PACRG: variants seen among roughly 807,000 people sequenced by gnomAD.
The protein encoded by PACRG is parkin coregulated, also known as parkin coregulated gene protein.
PACRG carries 29 observed loss-of-function variants against 29.7 expected under a neutral mutation model. That is an observed-to-expected ratio of 0.98 (90% CI 0.73 to 1.33). PACRG has a LOEUF of 1.33. Ranked by LOEUF, PACRG falls within the 40% of genes most tolerant of loss-of-function variation. The probability of loss-of-function intolerance (pLI) is 0.00; values close to 1 mark genes in which losing one functional copy is unlikely to be tolerated. For missense variants in PACRG, 279 were observed against 316.2 expected, an observed-to-expected ratio of 0.88 and a Z score of 0.89; for synonymous variants, 116 against 118.7, an observed-to-expected ratio of 0.98 and a Z score of 0.15.
rs1810438693 is a variant in PACRG, at chr6:163,055,088, G to A, written c.292-7062G>A. 6.6e-6 allele frequency among the ~76,000 whole-genome samples: 1 copy of A among 152,166 alleles called. No individual in the cohort carries two copies. The highest frequency in any genetic ancestry group is 2.1e-4 in the South Asian group (1 of 4,832). On this transcript the variant is annotated intron_variant, in intron 2 of 4. Coordinates refer to ENST00000366888, the MANE Select transcript of PACRG (RefSeq NM_001080379.2). This position sits in a 1 kb window ranked among gnomAD's most constrained non-coding sequence, Gnocchi z 4.0. ...TGATAAAAGCAACTTCAGTGAAATGGTGAGGGAGTGGGTTAAAGAGGGAAC... is the reference window on the plus strand; with the variant it reads ...TGATAAAAGCAACTTCAGTGAAATGATGAGGGAGTGGGTTAAAGAGGGAAC...
intron 4 of PACRG, among the ~76,000 whole-genome samples, chr6:163,108,776 T>C (rs1815545290): frequency 6.6e-6 from 1 of 152,234 alleles, no homozygotes; most frequent in Admixed American, 6.5e-5. Context: ...GAGAACAGAC[T>C]AATAACACTG....
At chr6:162,994,351 C>G (rs1296679430) in intron 2 of PACRG, among the ~76,000 whole-genome samples, 3 of 150,360 alleles carry the variant, frequency 2.0e-5, no homozygotes, top group Non-Finnish European at 2.9e-5. Context: ...CAACTTGGTT[C>G]CATTCTCCGC....
intron 1 of PACRG, among the ~76,000 whole-genome samples, chr6:162,789,564 G>T (rs939313523): frequency 1.3e-5 from 2 of 152,060 alleles, no homozygotes; most frequent in Non-Finnish European, 2.9e-5. Flanking sequence ...GAGATGAAAA[G>T]GAGTGCTTAC....
At chr6:163,271,173 C>G (rs1783812526) in intron 4 of PACRG, among the ~76,000 whole-genome samples, 1 of 152,058 alleles carries the variant, frequency 6.6e-6, no homozygotes, top group Non-Finnish European at 1.5e-5. Context: ...AGATGAAGGC[C>G]AGAAGACTCA....
intron 4 of PACRG, among the ~76,000 whole-genome samples, chr6:163,263,395 T>A (rs6913469): frequency 6.6e-6 from 1 of 151,964 alleles, no homozygotes; most frequent in Non-Finnish European, 1.5e-5. Context: ...CCGCAGCCTC[T>A]GTGTTTCTGT....
At chr6:163,189,818 C>T (rs1405712110) in intron 4 of PACRG, 8 of 152,204 alleles carry the variant, frequency 5.3e-5, no homozygotes, top group East Asian at 1.9e-4. Flanking sequence ...GACAAGGGCC[C>T]GCATTCACTG....
chr6:163,185,181 G>C (rs571841915), intron 4 of PACRG, among the ~76,000 whole-genome samples: 1 of 152,284 alleles, frequency 6.6e-6, no homozygotes, highest in South Asian at 2.1e-4. Flanking sequence ...GCACCACAGA[G>C]AGAAAGATGG....
At chr6:162,947,298 A>ATG (rs72352404) in intron 2 of PACRG, among the ~76,000 whole-genome samples, 1 of 618 alleles carries the variant, frequency 1.6e-3, no homozygotes, top group South Asian at 0.083. Flanking sequence ...ACATATAATC[A>ATG]TATAATATAT....
intron 4 of PACRG, among the ~76,000 whole-genome samples, chr6:163,136,255 T>C (rs1816933266): frequency 6.6e-6 from 1 of 152,236 alleles, no homozygotes; most frequent in Admixed American, 6.5e-5. Flanking sequence ...CTCTCTGATG[T>C]GAAGTTTCCC....
chr6:163,097,613 T>C (rs1376050788), intron 4 of PACRG, among the ~76,000 whole-genome samples: 2 of 152,192 alleles, frequency 1.3e-5, no homozygotes, highest in Non-Finnish European at 2.9e-5. Context: ...TAGGGAGACA[T>C]AAGACATCAA....
At chr6:162,727,815 A>AG, upstream of PACRG, 1 of 812,974 alleles carries the variant, frequency 1.2e-6, no homozygotes, top group Non-Finnish European at 1.9e-6. Flanking sequence ...GCACGCGCGG[A>AG]GGGCGCGGCC....
chr6:163,196,254 G>A (rs930183175), intron 4 of PACRG, among the ~76,000 whole-genome samples: 2 of 152,198 alleles, frequency 1.3e-5, no homozygotes, highest in East Asian at 1.9e-4. Flanking sequence ...TGCTGCTCAC[G>A]GACAGCGCCC....
intron 1 of PACRG, among the ~76,000 whole-genome samples, chr6:162,779,510 G>A (rs1221474920): frequency 6.6e-6 from 1 of 152,062 alleles, no homozygotes; most frequent in African/African-American, 2.4e-5. Flanking sequence ...ACTTTTATTT[G>A]AACTGCTCTT....
At chr6:163,145,976 G>A (rs749464522) in intron 4 of PACRG, among the ~76,000 whole-genome samples, 4 of 152,154 alleles carry the variant, frequency 2.6e-5, no homozygotes, top group Non-Finnish European at 5.9e-5. Flanking sequence ...TAAGTCTCTG[G>A]TGGTGAAAAC....
At chr6:163,133,206 C>T (rs1329260442) in intron 4 of PACRG, among the ~76,000 whole-genome samples, 1 of 152,088 alleles carries the variant, frequency 6.6e-6, no homozygotes, top group African/African-American at 2.4e-5. Flanking sequence ...TTTTAATAGG[C>T]CAGGTCTGGA....
intron 2 of PACRG, among the ~76,000 whole-genome samples, chr6:162,979,462 T>C (rs1445228159): frequency 6.6e-6 from 1 of 152,142 alleles, no homozygotes; most frequent in African/African-American, 2.4e-5. Flanking sequence ...TTTCTCTCAT[T>C]CTGTAGGTTG....
chr6:163,260,526 C>T (rs952799747), intron 4 of PACRG, among the ~76,000 whole-genome samples: 3 of 152,178 alleles, frequency 2.0e-5, no homozygotes, highest in Non-Finnish European at 4.4e-5. Flanking sequence ...TGTAGAAAAC[C>T]GTGCCTAGCT....
chr6:162,966,431 A>G (rs1391628502), intron 2 of PACRG, among the ~76,000 whole-genome samples: 4 of 151,666 alleles, frequency 2.6e-5, no homozygotes, highest in Non-Finnish European at 4.4e-5. Flanking sequence ...CACTCCATCA[A>G]TCTACAGTGC....
intron 2 of PACRG, among the ~76,000 whole-genome samples, chr6:163,037,559 C>A (rs1456749838): frequency 6.6e-6 from 1 of 152,254 alleles, no homozygotes; most frequent in African/African-American, 2.4e-5. Flanking sequence ...ATCTGCCATC[C>A]TTTCCCTGGC....
Sources: allele counts gnomAD v4.1 joint callset (sites outside exome capture counted in the v4.1 genomes callset), GRCh38; gene constraint gnomAD v4.1.1; non-coding constraint Gnocchi (gnomAD v3.1); transcripts MANE v1.5; gene names NCBI Gene and HGNC (gene_info 2026-07-23, HGNC 2026-07-21).